The following HEATR5A variants were observed in gnomAD, a reference collection of about 807,000 sequenced individuals.
The protein encoded by HEATR5A is HEAT repeat containing 5A.
Under a neutral mutation model 218.8 loss-of-function variants are expected in HEATR5A, and 178 were observed. The ratio of observed to expected loss-of-function variants is 0.81; its 90% CI spans 0.72 to 0.92. The LOEUF (loss-of-function observed/expected upper bound fraction) is 0.92, where lower values mean the gene tolerates loss of function less well. Ranked by LOEUF, HEATR5A falls within the 40% of genes least tolerant of loss-of-function variation. The pLI, the probability that HEATR5A is intolerant of heterozygous loss-of-function variation, is 0.00. For synonymous variants in HEATR5A, 864 were observed against 871.6 expected, an observed-to-expected ratio of 0.99 and a Z score of 0.15; for missense variants, 2,420 against 2,418.9, an observed-to-expected ratio of 1.00 and a Z score of -0.01.
chr14:31,326,594 C>A (rs1184812494), intron 22 of HEATR5A, among the ~76,000 whole-genome samples: 3 of 152,104 alleles, frequency 2.0e-5, no homozygotes, highest in African/African-American at 7.2e-5. Flanking sequence ...AATATGTTTT[C>A]TTAATCAGGT....
chr14:31,334,542 T>G (rs1595108379), intron 22 of HEATR5A: 1 of 430,432 alleles, frequency 2.3e-6, no homozygotes, highest in East Asian at 7.0e-5. Context: ...TGATTCTAGT[T>G]TTCAAAGTTC....
In HEATR5A at chr14:31,364,188, C is replaced by A. The variant is rs752658933; in HGVS notation, c.2071+1G>T. 1 of 1,423,488 alleles carries A rather than the reference C, an allele frequency of 7.0e-7. No homozygotes were observed. Among genetic ancestry groups the A allele is most frequent in the Non-Finnish European group, 9.6e-7 (1 of 1,041,350 alleles). 88.2% of individuals were successfully genotyped at this position (1,423,488 alleles called of 1,614,324 possible). A position where few individuals can be genotyped will look rare whatever the true frequency, so the allele number is the denominator to read the frequency against. The stretch of plus-strand genomic sequence containing the variant: ...AAAACATTTTGGTCTAAGGCACATA[C>A]CTTCATAGGTCTCAGGAGGTAATAA... On this transcript the variant is annotated splice_donor_variant, in intron 14 of 35. Coordinates refer to ENST00000543095, the MANE Select transcript of HEATR5A (RefSeq NM_015473.4). LOFTEE classifies it high-confidence loss of function.
rs540585356 is a variant in HEATR5A at position 31,379,193 on chromosome 14, C to T, written c.1708+1274G>A. Among the ~76,000 whole-genome samples, 3 of 151,744 alleles carry T rather than the reference C, an allele frequency of 2.0e-5. No individual in the cohort carries two copies. In the South Asian group the frequency reaches 6.3e-4, roughly 32 times the overall value. ...GAACTCCTGACCTCAGATGATCCGC[C>T]CGCCTAGGCCTCCCAAAGTGCTAGG... On this transcript the variant is annotated intron_variant, in intron 11 of 35. Transcript: ENST00000543095.
chr14:31,397,369 G>A (rs901770060), intron 4 of HEATR5A, among the ~76,000 whole-genome samples: 1 of 151,520 alleles, frequency 6.6e-6, no homozygotes, highest in Admixed American at 6.6e-5. Flanking sequence ...TAAGAGACAC[G>A]GTCTTGGGCC....
Position 31,344,252 on chromosome 14 carries a change from T to C in HEATR5A, c.3059-187A>G, listed in dbSNP as rs73259312. On this transcript the variant is annotated intron_variant, in intron 20 of 35. Coordinates refer to ENST00000543095, the MANE Select transcript of HEATR5A (RefSeq NM_015473.4). ...AGTAGGGATAATCTAAGTTACAGAT[T>C]GTTAGATTAGTTATTCTTTTTTTTT... Among the ~76,000 whole-genome samples the C allele has an allele frequency of 9.6e-3, 1,440 of 150,330 alleles. 23 individuals carry two copies. Among genetic ancestry groups the C allele is most frequent in the African/African-American group, 0.033 (1,371 of 41,072 alleles).
intron 11 of HEATR5A, among the ~76,000 whole-genome samples, chr14:31,380,242 T>A (rs2029926982): frequency 6.6e-6 from 1 of 152,236 alleles, no homozygotes; most frequent in South Asian, 2.1e-4. Flanking sequence ...TACTTGAGGC[T>A]TATCATCTAG....
chr14:31,302,156 C>A (rs1899404875), intron 33 of HEATR5A, 139 bp downstream of exon 33: 1 of 655,204 alleles, frequency 1.5e-6, no homozygotes. Context: ...TTATACATAT[C>A]CTCTAAACAC....
At chr14:31,413,459 T>C (rs1295089592) in intron 1 of HEATR5A, among the ~76,000 whole-genome samples, 1 of 151,380 alleles carries the variant, frequency 6.6e-6, no homozygotes, top group African/African-American at 2.4e-5. Context: ...CTGGATTCCA[T>C]GATGGCGAGA....
At position 31,345,232 on chromosome 14, in the gene HEATR5A, G is replaced by T; in HGVS notation, c.2913C>A (p.Gly971=). 6.2e-7 allele frequency: 1 copy of T among 1,613,164 alleles called. No homozygotes were observed. The highest frequency in any genetic ancestry group is 8.5e-7 in the Non-Finnish European group (1 of 1,179,404). ...HSLSLIIDSA[G]PLYYVHVEPT... Reference sequence around the variant, plus strand: ...GTTCCACATGCACATAATAGAGTGGGCCAGCAGAATCAATGATCAATGATA... The same window carrying T: ...GTTCCACATGCACATAATAGAGTGGTCCAGCAGAATCAATGATCAATGATA... The change falls in exon 20 of 36, where the codon GGC becomes GGA. Residue 971 remains glycine, a synonymous_variant. Transcript: ENST00000543095.
chr14:31,385,692 G>A (rs902243437), intron 9 of HEATR5A, among the ~76,000 whole-genome samples: 1 of 151,996 alleles, frequency 6.6e-6, no homozygotes, highest in African/African-American at 2.4e-5. Flanking sequence ...TCCCTGAATT[G>A]TATACCTTAT....
rs1023712956 is a variant in HEATR5A at position 31,293,005 on chromosome 14, A to G, written c.*300T>C. 2 of 277,574 alleles carry G rather than the reference A, an allele frequency of 7.2e-6. No individual in the cohort carries two copies. The highest frequency in any genetic ancestry group is 1.3e-5 in the Non-Finnish European group (2 of 148,524). The allele number at this position is 277,574 out of a possible 1,614,324, so 17.2% of individuals were successfully genotyped here. A position where few individuals can be genotyped will look rare whatever the true frequency, so the allele number is the denominator to read the frequency against. ...ATGTATGGACTGTTAGAAGAAATTC[A>G]TTTCATTTTTAAAGCAGTGGATTGT... On this transcript the variant is annotated 3_prime_UTR_variant, in exon 36 of 36. Coordinates refer to ENST00000543095, the MANE Select transcript of HEATR5A (RefSeq NM_015473.4).
In HEATR5A at chr14:31,385,996, G is replaced by A. The variant is rs547996701; in HGVS notation, c.1345+424C>T. Among the ~76,000 whole-genome samples, 12 of 152,216 alleles carry A rather than the reference G, an allele frequency of 7.9e-5. No homozygotes were observed. The South Asian group carries it at 2.5e-3, about 32-fold the overall frequency. On this transcript the variant is annotated intron_variant, in intron 9 of 35. Transcript: ENST00000543095. ...GCCTGCCTCAGCCTCCCAAAGTGCT[G>A]GATTATATGCATGAGCCACTGTGCC...
chr14:31,307,784 A>G lies in HEATR5A; in HGVS notation c.4818+109T>C, dbSNP rs546384725. 1.5e-4 allele frequency: 192 copies of G among 1,292,584 alleles called. 1 individual carries two copies. The South Asian group carries it at 2.8e-3, about 19-fold the overall frequency. 80.1% of individuals were successfully genotyped at this position (1,292,584 alleles called of 1,614,324 possible). A position where few individuals can be genotyped will look rare whatever the true frequency, so the allele number is the denominator to read the frequency against. ...GCCTAGCTGTGAGGCTGTATGGTTT[A>G]GAAAAAAAATTTCTGTGTGTTTACT... On this transcript the variant is annotated intron_variant, in intron 30 of 35. Transcript: ENST00000543095.
intron 10 of HEATR5A, 37 bp from the exon 11 acceptor site, chr14:31,380,615 T>C (rs1475148657): frequency 7.5e-7 from 1 of 1,339,964 alleles, no homozygotes; most frequent in Non-Finnish European, 1.0e-6. Context: ...AAAAAGCATA[T>C]CAGTTTATAA....
chr14:31,355,384 G>A (rs2378853), intron 16 of HEATR5A, among the ~76,000 whole-genome samples: 128,259 of 152,002 alleles, frequency 0.84, 55,027 homozygotes, highest in Non-Finnish European at 0.93. Flanking sequence ...CTGCACTCCA[G>A]CCTGGTTGAC....
Position 31,309,167 on chromosome 14 carries a change from G to A in HEATR5A, c.4457C>T (p.Thr1486Ile). 1.2e-6 allele frequency: 2 copies of A among 1,613,684 alleles called. No homozygotes were observed. Among genetic ancestry groups the A allele is most frequent in the Non-Finnish European group, 8.5e-7 (1 of 1,179,618 alleles). The change falls in exon 29 of 36, where the codon ACA becomes ATA. Residue 1486 changes from threonine to isoleucine, a missense_variant. Coordinates refer to ENST00000543095, the MANE Select transcript of HEATR5A (RefSeq NM_015473.4). ...TTTTGCATTTTCACTAGTCTCTGCTGTGTAGAAAGCACCACCTAAAGCAAA... is the reference window on the plus strand; with the variant it reads ...TTTTGCATTTTCACTAGTCTCTGCTATGTAGAAAGCACCACCTAAAGCAAA... ...QLPAEGGAFY[T>I]AETSENAKLH... is the part of the protein sequence containing the mutation.
chr14:31,299,656 G>C (rs1015091020), intron 33 of HEATR5A, among the ~76,000 whole-genome samples: 1 of 152,108 alleles, frequency 6.6e-6, no homozygotes, highest in African/African-American at 2.4e-5. Flanking sequence ...CTGGGAGGCA[G>C]AGGTTGTGGT....
rs1899058837 is a variant in HEATR5A, at chr14:31,292,589, T to A, written c.*716A>T. 1 of 151,978 alleles carries A rather than the reference T, an allele frequency of 6.6e-6. No homozygotes were observed. The highest frequency in any genetic ancestry group is 2.4e-5 in the African/African-American group (1 of 41,350). 9.4% of individuals were successfully genotyped at this position (151,978 alleles called of 1,614,324 possible). On this transcript the variant is annotated 3_prime_UTR_variant, in exon 36 of 36. Coordinates refer to ENST00000543095, the MANE Select transcript of HEATR5A (RefSeq NM_015473.4). ...AATTACTGAATAAGGCAGAATTTTTTTTTTTTTTTTTTAGATGGAGTCTCA... is the reference window on the plus strand; with the variant it reads ...AATTACTGAATAAGGCAGAATTTTTATTTTTTTTTTTTAGATGGAGTCTCA...
At chr14:31,334,447 G>A (rs955608266) in intron 22 of HEATR5A, 3 of 456,160 alleles carry the variant, frequency 6.6e-6, no homozygotes, top group Non-Finnish European at 1.3e-5. Context: ...TGGTGAAGAT[G>A]CTGTGAACAC....
Sources: allele counts gnomAD v4.1 joint callset (sites outside exome capture counted in the v4.1 genomes callset), GRCh38; gene constraint gnomAD v4.1.1; transcripts MANE v1.5; gene names NCBI Gene and HGNC (gene_info 2026-07-23, HGNC 2026-07-21).